PPP2R5A: variants seen among roughly 807,000 people sequenced by gnomAD.
The protein encoded by PPP2R5A is protein phosphatase 2 regulatory subunit B'alpha.
PPP2R5A carries 25 observed loss-of-function variants against 64.2 expected under a neutral mutation model. The observed-to-expected ratio is 0.39, with a 90% CI of 0.28 to 0.54. PPP2R5A has a LOEUF of 0.54. Ranked by LOEUF, PPP2R5A falls within the 20% of genes least tolerant of loss-of-function variation. The pLI is 0.67. For synonymous variants in PPP2R5A, 198 were observed against 201.2 expected, an observed-to-expected ratio of 0.98 and a Z score of 0.13; for missense variants, 425 against 576.3, an observed-to-expected ratio of 0.74 and a Z score of 2.69.
chr1:212,359,555 TCTTAAA>T (rs1310441030), intron 12 of PPP2R5A, among the ~76,000 whole-genome samples: 2 of 152,372 alleles, frequency 1.3e-5, no homozygotes, highest in Admixed American at 6.5e-5. Flanking sequence ...AGAAGCACTT[TCTTAAA>T]CTTAAGTGGT....
At chr1:212,287,131 C>T (rs1429345699) in intron 1 of PPP2R5A, among the ~76,000 whole-genome samples, 3 of 152,138 alleles carry the variant, frequency 2.0e-5, no homozygotes, top group African/African-American at 7.2e-5. Flanking sequence ...GAGAACTTGG[C>T]ACTCTTTTTG....
At chr1:212,309,161 T>A in intron 1 of PPP2R5A, 1 of 1,235,418 alleles carries the variant, frequency 8.1e-7, no homozygotes, top group Non-Finnish European at 1.2e-6. Flanking sequence ...TTGGCCACAT[T>A]GGTGTCATAG....
intron 1 of PPP2R5A, among the ~76,000 whole-genome samples, chr1:212,306,041 C>T (rs1571580195): frequency 6.6e-6 from 1 of 152,298 alleles, no homozygotes; most frequent in East Asian, 1.9e-4. Context: ...TGAGAGCACA[C>T]CTGAACAAAG....
chr1:212,344,665 G>GT (rs946499964), intron 4 of PPP2R5A, among the ~76,000 whole-genome samples: 36 of 151,890 alleles, frequency 2.4e-4, no homozygotes, highest in Admixed American at 4.6e-4. Flanking sequence ...AAAATACAGT[G>GT]TTTTTTTTGA....
At chr1:212,360,380 T>C (rs770758233) in intron 12 of PPP2R5A, among the ~76,000 whole-genome samples, 1 of 152,178 alleles carries the variant, frequency 6.6e-6, no homozygotes, top group African/African-American at 2.4e-5. Context: ...TAAAGTACAG[T>C]GTCATGGTAG....
intron 11 of PPP2R5A, 33 bp downstream of exon 11, chr1:212,357,317 C>A: frequency 3.5e-6 from 4 of 1,158,728 alleles, no homozygotes; most frequent in South Asian, 1.8e-5. Flanking sequence ...GTATTTTTTT[C>A]TTTTTTTTTT....
At chr1:212,297,270 T>C (rs1658715115) in intron 1 of PPP2R5A, among the ~76,000 whole-genome samples, 1 of 151,704 alleles carries the variant, frequency 6.6e-6, no homozygotes. Context: ...CATACCTGGC[T>C]AATTTTTTTT....
At chr1:212,292,064 ATTC>A (rs1386327491) in intron 1 of PPP2R5A, among the ~76,000 whole-genome samples, 6 of 152,348 alleles carry the variant, frequency 3.9e-5, no homozygotes, top group African/African-American at 1.2e-4. Flanking sequence ...CAAAGGAACT[ATTC>A]TTGAACTTTA....
At chr1:212,332,221 G>C (rs904157853) in intron 2 of PPP2R5A, among the ~76,000 whole-genome samples, 1 of 152,112 alleles carries the variant, frequency 6.6e-6, no homozygotes. Flanking sequence ...AAGTCTTAAC[G>C]GTTACAGTAA....
At chr1:212,310,625 C>A (rs12143853) in intron 1 of PPP2R5A, among the ~76,000 whole-genome samples, 2 of 152,034 alleles carry the variant, frequency 1.3e-5, no homozygotes. Context: ...AGCAGCAGCC[C>A]GAGGTCTTCT....
At chr1:212,336,183 C>T (rs961998790) in intron 3 of PPP2R5A, among the ~76,000 whole-genome samples, 1 of 152,108 alleles carries the variant, frequency 6.6e-6, no homozygotes, top group Non-Finnish European at 1.5e-5. Context: ...GGCATGATCT[C>T]GGCTCACTGC....
rs1183419743 is a variant in PPP2R5A at position 212,348,513 on chromosome 1, A to G, written c.873+16A>G. The G allele has an allele frequency of 6.8e-6, 10 of 1,481,366 alleles. No homozygotes were observed. The highest frequency in any genetic ancestry group is 9.3e-6 in the Non-Finnish European group (10 of 1,071,708). The allele number at this position is 1,481,366 out of a possible 1,614,324, so 91.8% of individuals were successfully genotyped here. On this transcript the variant is annotated intron_variant, in intron 7 of 12. Transcript: ENST00000261461. ...TCATGCTCAGGTAAGTTTCAGAAAC[A>G]TTTCAGATGAAATGAATATTATTTC...
intron 1 of PPP2R5A, among the ~76,000 whole-genome samples, chr1:212,322,725 T>A (rs1298809801): frequency 6.6e-6 from 1 of 152,138 alleles, no homozygotes; most frequent in Middle Eastern, 3.4e-3. Context: ...AAATATCTTG[T>A]AAAGCTTTCT....
intron 4 of PPP2R5A, among the ~76,000 whole-genome samples, chr1:212,345,131 C>G (rs1358498919): frequency 6.7e-6 from 1 of 149,428 alleles, no homozygotes; most frequent in Non-Finnish European, 1.5e-5. Context: ...CATCACTACC[C>G]TCCAGTCTAG....
intron 1 of PPP2R5A, among the ~76,000 whole-genome samples, chr1:212,323,478 A>G (rs182364008): frequency 4.6e-5 from 7 of 152,344 alleles, no homozygotes; most frequent in Admixed American, 3.9e-4. Flanking sequence ...ATCTTTCTAT[A>G]TCATAATACC....
At chr1:212,333,028 A>G (rs1019424241) in intron 2 of PPP2R5A, among the ~76,000 whole-genome samples, 1 of 151,352 alleles carries the variant, frequency 6.6e-6, no homozygotes, top group Non-Finnish European at 1.5e-5. Context: ...CAGCCTCTCC[A>G]GTAGTTAGGA....
rs775037221 is a variant in PPP2R5A at position 212,329,128 on chromosome 1, T to C, written c.182-7T>C. 1 of 1,478,848 alleles carries C rather than the reference T, an allele frequency of 6.8e-7. No homozygotes were observed. Among genetic ancestry groups the C allele is most frequent in the Non-Finnish European group, 9.0e-7 (1 of 1,111,546 alleles). The allele number at this position is 1,478,848 out of a possible 1,614,324, so 91.6% of individuals were successfully genotyped here. A position where few individuals can be genotyped will look rare whatever the true frequency, so the allele number is the denominator to read the frequency against. The stretch of plus-strand genomic sequence containing the variant: ...ATTTCTAAGTTTTTCTTTATTTTTA[T>C]TTATAGATGCCACTTCAAATGAACA... On this transcript the variant is annotated splice_region_variant and splice_polypyrimidine_tract_variant and intron_variant, in intron 1 of 12. Coordinates refer to ENST00000261461, the MANE Select transcript of PPP2R5A (RefSeq NM_006243.4).
intron 1 of PPP2R5A, among the ~76,000 whole-genome samples, chr1:212,313,258 T>C (rs956982825): frequency 6.6e-6 from 1 of 152,216 alleles, no homozygotes; most frequent in African/African-American, 2.4e-5. Context: ...TTATATATTT[T>C]GTTCAGTTTT....
chr1:212,305,008 G>C lies in PPP2R5A; in HGVS notation c.181+18717G>C, dbSNP rs1658869265. Reference sequence around the variant, plus strand: ...TGCGTCCCTGAGTGCTGGGATTACAGGTGGGAGCTGCCACACCCGGCCCCC... The same window carrying C: ...TGCGTCCCTGAGTGCTGGGATTACACGTGGGAGCTGCCACACCCGGCCCCC... On this transcript the variant is annotated intron_variant, in intron 1 of 12. Coordinates refer to ENST00000261461, the MANE Select transcript of PPP2R5A (RefSeq NM_006243.4). Among the ~76,000 whole-genome samples the C allele has an allele frequency of 1.3e-5, 2 of 150,524 alleles. 1 individual carries two copies. Among genetic ancestry groups the C allele is most frequent in the South Asian group, 4.2e-4 (2 of 4,780 alleles).
Sources: gnomAD v4.1 joint callset for allele counts (sites outside exome capture counted in the v4.1 genomes callset) on GRCh38, gnomAD v4.1.1 for gene constraint, MANE v1.5 for transcripts, NCBI Gene and HGNC (gene_info 2026-07-23, HGNC 2026-07-21) for gene names.